The following RBM47 variants were observed in gnomAD, a reference collection of about 807,000 sequenced individuals.
RBM47 encodes RNA binding motif protein 47.
A neutral mutation model predicts 47.1 loss-of-function variants in RBM47; 21 were observed. That is an observed-to-expected ratio of 0.45 (90% CI 0.32 to 0.64). The LOEUF is 0.64. Ranked by LOEUF, RBM47 falls within the 30% of genes least tolerant of loss-of-function variation. RBM47 has a pLI of 0.05. For synonymous variants in RBM47, 375 were observed against 361.7 expected, an observed-to-expected ratio of 1.04 and a Z score of -0.42; for missense variants, 708 against 870.9, an observed-to-expected ratio of 0.81 and a Z score of 2.35.
At chr4:40,568,676 C>T (rs76843278) in intron 1 of RBM47, among the ~76,000 whole-genome samples, 1,651 of 151,884 alleles carry the variant, frequency 0.011, 32 homozygotes, top group Middle Eastern at 0.037. Context: ...TTCTGACTGA[C>T]GGGCCACTAG....
chr4:40,595,259 G>A (rs1298813248), intron 1 of RBM47, among the ~76,000 whole-genome samples: 1 of 152,182 alleles, frequency 6.6e-6, no homozygotes, highest in African/African-American at 2.4e-5. Context: ...ACTTTGGGAG[G>A]CTGAGGCAGC....
chr4:40,473,663 T>C (rs1719228528), intron 2 of RBM47, among the ~76,000 whole-genome samples: 1 of 152,194 alleles, frequency 6.6e-6, no homozygotes, highest in African/African-American at 2.4e-5. Flanking sequence ...GGCTCAGAAA[T>C]ATCTGGTGTT....
intron 1 of RBM47, among the ~76,000 whole-genome samples, chr4:40,585,092 G>A (rs1251932478): frequency 6.6e-6 from 1 of 152,130 alleles, no homozygotes. Context: ...GGTTTCATTC[G>A]GGGTCATTAA....
chr4:40,437,743 C>T (rs1309221246), intron 4 of RBM47, 28 bp downstream of exon 4: 3 of 1,571,130 alleles, frequency 1.9e-6, no homozygotes, highest in Admixed American at 3.5e-5. Context: ...TCTTGGGGGC[C>T]CCACCCAGGA....
intron 2 of RBM47, among the ~76,000 whole-genome samples, chr4:40,473,279 G>A (rs564693245): frequency 1.3e-5 from 2 of 152,248 alleles, no homozygotes; most frequent in African/African-American, 2.4e-5. Context: ...GAGGTATAAT[G>A]AGGCTGCCCA....
intron 3 of RBM47, among the ~76,000 whole-genome samples, chr4:40,444,865 A>G (rs960931858): frequency 2.0e-4 from 30 of 151,130 alleles, no homozygotes; most frequent in Admixed American, 2.0e-3. Flanking sequence ...GGGTTTCACC[A>G]TGTTTGCCAG....
At chr4:40,617,906 T>C (rs1426198353) in intron 1 of RBM47, among the ~76,000 whole-genome samples, 1 of 152,068 alleles carries the variant, frequency 6.6e-6, no homozygotes, top group African/African-American at 2.4e-5. Context: ...TTTGCCAATA[T>C]GGACATAAAG....
At chr4:40,430,251 A>C (rs1031192062) in intron 6 of RBM47, among the ~76,000 whole-genome samples, 2 of 25,176 alleles carry the variant, frequency 7.9e-5, no homozygotes, top group Admixed American at 4.2e-4. Flanking sequence ...AAAACAAACA[A>C]AAAAAAAACC....
At chr4:40,554,098 AC>A (rs1164972080) in intron 1 of RBM47, among the ~76,000 whole-genome samples, 1 of 152,174 alleles carries the variant, frequency 6.6e-6, no homozygotes, top group East Asian at 1.9e-4. Context: ...AGGACCCAGC[AC>A]GGTGCCTGGT....
At chr4:40,525,210 C>A (rs1038168609) in intron 2 of RBM47, among the ~76,000 whole-genome samples, 1 of 152,094 alleles carries the variant, frequency 6.6e-6, no homozygotes, top group Non-Finnish European at 1.5e-5. Flanking sequence ...GGCCAAGGTG[C>A]GCAGATTGCT....
intron 3 of RBM47, among the ~76,000 whole-genome samples, chr4:40,446,041 G>A (rs77512294): frequency 0.03 from 4,591 of 152,316 alleles, 73 homozygotes; most frequent in Non-Finnish European, 0.046. Context: ...ACAGTCTGAA[G>A]TCCAAATCTT....
At chr4:40,594,699 C>G (rs919276847) in intron 1 of RBM47, among the ~76,000 whole-genome samples, 2 of 152,172 alleles carry the variant, frequency 1.3e-5, no homozygotes, top group Non-Finnish European at 2.9e-5. Flanking sequence ...TATTCTTGCT[C>G]TGAATTCCAT....
At position 40,438,369 on chromosome 4, in the gene RBM47, G is replaced by A. The variant is rs769475135; in HGVS notation, c.525C>T (p.Thr175=). ...AGACGATCACGTCCAGCACGCCCTC[G>A]GTGACCTTGGCAATCTCCTCCAGGA... ...EEILEEIAKV[T]EGVLDVIVYA... Residue 175 remains threonine, a synonymous_variant, in exon 4 of 7, where the codon ACC becomes ACT. Transcript: ENST00000295971. 2 of 1,612,430 alleles carry A rather than the reference G, an allele frequency of 1.2e-6. No individual in the cohort carries two copies. Among genetic ancestry groups the A allele is most frequent in the Non-Finnish European group, 8.5e-7 (1 of 1,179,956 alleles).
chr4:40,580,509 A>G (rs1366927948), intron 1 of RBM47, among the ~76,000 whole-genome samples: 3 of 152,200 alleles, frequency 2.0e-5, no homozygotes, highest in African/African-American at 7.2e-5. Context: ...CTGAAGAGAA[A>G]GCCCGATGAC....
intron 1 of RBM47, among the ~76,000 whole-genome samples, chr4:40,563,853 A>G (rs1294956022): frequency 6.6e-6 from 1 of 152,208 alleles, no homozygotes; most frequent in African/African-American, 2.4e-5. Flanking sequence ...AATGTATTTG[A>G]AAGTTATGAA....
chr4:40,623,527 T>C (rs1319626712), intron 1 of RBM47, among the ~76,000 whole-genome samples: 3 of 152,056 alleles, frequency 2.0e-5, no homozygotes, highest in African/African-American at 4.8e-5. Context: ...AGAGGTGAGA[T>C]CTCACTATGT....
intron 1 of RBM47, among the ~76,000 whole-genome samples, chr4:40,555,583 C>T (rs1278615983): frequency 6.6e-6 from 1 of 152,214 alleles, no homozygotes; most frequent in Non-Finnish European, 1.5e-5. Flanking sequence ...CAATGGGTTT[C>T]GACAAGGATT....
rs1234624000 is a variant in RBM47, at chr4:40,548,548, C to T, written c.-239-4042G>A. On this transcript the variant is annotated intron_variant, in intron 1 of 6. Coordinates refer to ENST00000295971, the MANE Select transcript of RBM47 (RefSeq NM_001098634.2). ...AGAAGGCAGGAAATAGGGAAACAGA[C>T]ATAGGGATGCTTGCCGGTCAAGGTC... Among the ~76,000 whole-genome samples the T allele has an allele frequency of 2.6e-5, 4 of 152,222 alleles. No homozygotes were observed. In the East Asian group the frequency reaches 7.7e-4, roughly 29 times the overall value.
chr4:40,521,372 T>C (rs1726175403), intron 2 of RBM47, among the ~76,000 whole-genome samples: 1 of 152,130 alleles, frequency 6.6e-6, no homozygotes, highest in Non-Finnish European at 1.5e-5. Context: ...AGCTAATTTT[T>C]GTATTTTTAG....
Sources: gnomAD v4.1 joint callset for allele counts (sites outside exome capture counted in the v4.1 genomes callset) on GRCh38, gnomAD v4.1.1 for gene constraint, MANE v1.5 for transcripts, NCBI Gene and HGNC (gene_info 2026-07-23, HGNC 2026-07-21) for gene names.